Variants in TES observed in about 807,000 individuals in gnomAD.
TES encodes the protein testin.
A neutral mutation model predicts 48.2 loss-of-function variants in TES; 41 were observed. The ratio of observed to expected loss-of-function variants is 0.85; its 90% CI spans 0.66 to 1.10. TES has a LOEUF of 1.10. Among genes scored for constraint, TES ranks in the 50% least tolerant of loss-of-function variants. The pLI, the probability that TES is intolerant of heterozygous loss-of-function variation, is 0.00. For missense variants in TES, 463 were observed against 515.1 expected, an observed-to-expected ratio of 0.90 and a Z score of 0.98; for synonymous variants, 162 against 174.9, an observed-to-expected ratio of 0.93 and a Z score of 0.58.
intron 2 of TES, chr7:116,239,049 C>T (rs1799810566): frequency 6.6e-6 from 1 of 152,226 alleles, no homozygotes; most frequent in Non-Finnish European, 1.5e-5. Context: ...CTTTCAAGCT[C>T]ATTCTTGTTG....
chr7:116,223,082 G>C (rs1334464390), intron 1 of TES: 1 of 800,924 alleles, frequency 1.2e-6, no homozygotes, highest in African/African-American at 1.9e-5. Context: ...TTTGATAGCA[G>C]TCCGTTTGAA....
intron 1 of TES, among the ~76,000 whole-genome samples, chr7:116,215,923 A>T (rs766902824): frequency 6.6e-6 from 1 of 152,156 alleles, no homozygotes; most frequent in Non-Finnish European, 1.5e-5. Flanking sequence ...ATATTGGGAG[A>T]ACTATTTTTT....
chr7:116,220,787 C>T (rs771938991), intron 1 of TES, among the ~76,000 whole-genome samples: 8 of 152,130 alleles, frequency 5.3e-5, no homozygotes, highest in Admixed American at 3.3e-4. Flanking sequence ...GGGAAAGCTA[C>T]TTAGCCCTGT....
At chr7:116,232,622 T>TATTA (rs1301091690) in intron 1 of TES, among the ~76,000 whole-genome samples, 1 of 152,210 alleles carries the variant, frequency 6.6e-6, no homozygotes, top group Non-Finnish European at 1.5e-5. Context: ...TAACTATGCT[T>TATTA]ATTACACAAG....
At chr7:116,215,086 C>T (rs1799479466) in intron 1 of TES, among the ~76,000 whole-genome samples, 2 of 152,130 alleles carry the variant, frequency 1.3e-5, no homozygotes, top group African/African-American at 4.8e-5. Flanking sequence ...CTGTTCAAAG[C>T]AACCTTAGGA....
At chr7:116,211,456 G>A (rs1412556868) in intron 1 of TES, 1 of 152,292 alleles carries the variant, frequency 6.6e-6, no homozygotes, top group Non-Finnish European at 1.5e-5. Flanking sequence ...CGCAGGCACT[G>A]GAACCGACGG....
intron 2 of TES, among the ~76,000 whole-genome samples, chr7:116,244,384 AAAAG>A (rs968895164): frequency 6.6e-6 from 1 of 152,256 alleles, no homozygotes; most frequent in African/African-American, 2.4e-5. Context: ...GAAATTGGCC[AAAAG>A]AAAGGGGCTA....
intron 2 of TES, among the ~76,000 whole-genome samples, chr7:116,238,734 G>A (rs901536248): frequency 6.6e-6 from 1 of 151,894 alleles, no homozygotes; most frequent in Non-Finnish European, 1.5e-5. Flanking sequence ...CGAGTATCTG[G>A]GATTACAGGC....
At chr7:116,243,779 CAGTT>C (rs1263889844) in intron 2 of TES, 1 of 152,190 alleles carries the variant, frequency 6.6e-6, no homozygotes, top group Non-Finnish European at 1.5e-5. Context: ...AGTCTGCTCT[CAGTT>C]AGTCAAGACA....
At chr7:116,210,841 T>G in intron 1 of TES, 107 bp downstream of exon 1, 1 of 1,028,760 alleles carries the variant, frequency 9.7e-7, no homozygotes, top group Non-Finnish European at 1.3e-6. Flanking sequence ...CCCCCCGGTG[T>G]GAGCCCGGCT....
chr7:116,212,031 ATAAC>A (rs1299853845), intron 1 of TES, among the ~76,000 whole-genome samples: 1 of 152,090 alleles, frequency 6.6e-6, no homozygotes, highest in African/African-American at 2.4e-5. Flanking sequence ...TTTCTTTTAA[ATAAC>A]TGTAATATTT....
intron 2 of TES, among the ~76,000 whole-genome samples, chr7:116,244,641 G>A (rs1799896312): frequency 1.3e-5 from 2 of 152,328 alleles, no homozygotes; most frequent in Admixed American, 6.5e-5. Context: ...TCTGGAGGAT[G>A]GTGGCCCTCT....
rs1013325211 is a variant in TES at position 116,232,900 on chromosome 7, T to C, written c.28-1634T>C. Reference sequence around the variant, plus strand: ...TCTAACTTAAAAGTATTGTGGGTTTTCCTAAGCAACTGTGTGGACCAGTTG... The same window carrying C: ...TCTAACTTAAAAGTATTGTGGGTTTCCCTAAGCAACTGTGTGGACCAGTTG... On this transcript the variant is annotated intron_variant, in intron 1 of 6. Transcript: ENST00000358204. Among the ~76,000 whole-genome samples the C allele has an allele frequency of 2.0e-5, 3 of 152,236 alleles. No individual in the cohort carries two copies. In the East Asian group the frequency reaches 5.8e-4, roughly 29 times the overall value.
Position 116,257,478 on chromosome 7 carries a change from C to T in TES, c.1262C>T (p.Ser421Phe). The T allele has an allele frequency of 6.2e-7, 1 of 1,603,908 alleles. No homozygotes were observed. Among genetic ancestry groups the T allele is most frequent in the Non-Finnish European group, 8.5e-7 (1 of 1,174,512 alleles). Residue 421 changes from serine to phenylalanine, a missense_variant, in exon 7 of 7, where the codon TCT becomes TTT. By Grantham distance (155) the Ser-to-Phe change is radical. Transcript: ENST00000358204. ...FCSVECKKRM[S>F] is the part of the protein sequence containing the mutation. ...TCAGTGGAATGTAAGAAGAGGATGT[C>T]TTAGGAGGAGGGCACCCAGAAGTAT...
intron 1 of TES, among the ~76,000 whole-genome samples, chr7:116,222,309 T>C (rs1221252951): frequency 6.6e-6 from 1 of 152,144 alleles, no homozygotes; most frequent in African/African-American, 2.4e-5. Flanking sequence ...CTGTTTTCTT[T>C]GCTGTCTCTG....
chr7:116,234,884 T>G (rs1799747458), intron 2 of TES, among the ~76,000 whole-genome samples: 1 of 152,250 alleles, frequency 6.6e-6, no homozygotes, highest in South Asian at 2.1e-4. Context: ...AAATACTGAA[T>G]ATATCATCTT....
chr7:116,229,101 T>C (rs1353625710), intron 1 of TES, among the ~76,000 whole-genome samples: 1 of 150,364 alleles, frequency 6.7e-6, no homozygotes, highest in African/African-American at 2.5e-5. Flanking sequence ...CTATCTTGGT[T>C]ATATTTGTCC....
rs1799660896 is a variant in TES at position 116,229,008 on chromosome 7, AT to A, written c.28-5525del. Among the ~76,000 whole-genome samples the A allele has an allele frequency of 7.2e-5, 7 of 96,700 alleles. 1 individual carries two copies. The South Asian group carries it at 1.8e-3, about 25-fold the overall frequency. The allele number at this position is 96,700 out of a possible 152,430, so 63.4% of individuals were successfully genotyped here. ...CTCTAGTATCTATAACTATATATAT[AT>A]ATATATATATATATATATATATATA... On this transcript the variant is annotated intron_variant, in intron 1 of 6. Transcript: ENST00000358204.
At chr7:116,225,099 A>G (rs2116581659) in intron 1 of TES, among the ~76,000 whole-genome samples, 1 of 151,550 alleles carries the variant, frequency 6.6e-6, no homozygotes, top group African/African-American at 2.4e-5. Context: ...ACATTTTAAC[A>G]AACGGTGGTT....
Sources: allele counts gnomAD v4.1 joint callset (sites outside exome capture counted in the v4.1 genomes callset), GRCh38; gene constraint gnomAD v4.1.1; transcripts MANE v1.5; gene names NCBI Gene and HGNC (gene_info 2026-07-23, HGNC 2026-07-21).